Variants in ITCH observed in about 807,000 individuals in gnomAD.
The protein encoded by ITCH is itchy E3 ubiquitin protein ligase, also known as E3 ubiquitin-protein ligase Itchy homolog.
ITCH carries 28 observed loss-of-function variants against 126.8 expected under a neutral mutation model. The observed-to-expected ratio is 0.22, with a 90% CI of 0.16 to 0.30. ITCH has a LOEUF of 0.30. Ranked by LOEUF, ITCH falls within the 10% of genes least tolerant of loss-of-function variation. The pLI is 1.00. For synonymous variants in ITCH, 342 were observed against 340.0 expected (o/e 1.01, Z -0.06); for missense variants, 631 against 1,032.4 (o/e 0.61, Z 5.33).
Position 34,417,877 on chromosome 20 carries a change from T to TA in ITCH, c.475+3998_475+3999insA, listed in dbSNP as rs1289609939. On this transcript the variant is annotated intron_variant, in intron 6 of 24. Transcript: ENST00000374864. ...TGTTTAGTACCAGTCTTCCCATTTA[T>TA]GACCTCTAACAAGAAACACAGAAAA... 7.9e-5 allele frequency among the ~76,000 whole-genome samples: 12 copies of TA among 151,878 alleles called. No individual in the cohort carries two copies. In the South Asian group the frequency reaches 2.5e-3, roughly 32 times the overall value.
rs1246829043 is a variant in ITCH, at chr20:34,369,376, C to T, written c.-98-18C>T. On this transcript the variant is annotated intron_variant, in intron 1 of 24. Coordinates refer to ENST00000374864, the MANE Select transcript of ITCH (RefSeq NM_031483.7). ...AATATAGAAGTAATGTGTTAATGGA[C>T]TCTCCTTCCTTTCTCAGGTACCATG... 3.3e-5 allele frequency: 13 copies of T among 398,810 alleles called. No homozygotes were observed. In the East Asian group the frequency reaches 4.6e-4, roughly 14 times the overall value. The allele number at this position is 398,810 out of a possible 1,614,324, so 24.7% of individuals were successfully genotyped here. A position where few individuals can be genotyped will look rare whatever the true frequency, so the allele number is the denominator to read the frequency against.
At chr20:34,423,878 C>T (rs1018292969) in intron 6 of ITCH, among the ~76,000 whole-genome samples, 1 of 152,186 alleles carries the variant, frequency 6.6e-6, no homozygotes, top group Non-Finnish European at 1.5e-5. Context: ...GCTGGGATTA[C>T]AGGTGTAAGC....
chr20:34,405,871 G>C (rs1032337378), intron 3 of ITCH, among the ~76,000 whole-genome samples: 3 of 151,240 alleles, frequency 2.0e-5, no homozygotes, highest in African/African-American at 7.3e-5. Context: ...TGATCCTCCC[G>C]CCTGGGTCTC....
Position 34,494,987 on chromosome 20 carries a change from C to T in ITCH, c.2416+2390C>T, listed in dbSNP as rs1166536373. On this transcript the variant is annotated intron_variant, in intron 23 of 24. Coordinates refer to ENST00000374864, the MANE Select transcript of ITCH (RefSeq NM_031483.7). ...AATACATACACTGGGCGCGGTGGCT[C>T]ACGCCTGTAATCCCAGCACGTTGGG... Among the ~76,000 whole-genome samples the T allele has an allele frequency of 2.0e-5, 3 of 151,462 alleles. No individual in the cohort carries two copies. In the East Asian group the frequency reaches 5.8e-4, roughly 29 times the overall value.
rs1412904855 is a variant in ITCH, at chr20:34,511,043, C to T, written c.*3249C>T. ...TAAATTTTTCCTCTATTTTTATATC[C>T]TTTCCTGTTGTGGATGTAACTTACC... On this transcript the variant is annotated 3_prime_UTR_variant, in exon 25 of 25. Transcript: ENST00000374864. 1 of 152,164 alleles carries T rather than the reference C, an allele frequency of 6.6e-6. No individual in the cohort carries two copies. Among genetic ancestry groups the T allele is most frequent in the African/African-American group, 2.4e-5 (1 of 41,426 alleles). 9.4% of individuals were successfully genotyped at this position (152,164 alleles called of 1,614,324 possible).
chr20:34,443,460 T>C (rs1005478994), intron 10 of ITCH, among the ~76,000 whole-genome samples: 2 of 151,828 alleles, frequency 1.3e-5, no homozygotes, highest in African/African-American at 4.8e-5. Flanking sequence ...TGAGCTGAGA[T>C]TGTGCCACTG....
chr20:34,372,675 C>T (rs909600939), intron 2 of ITCH, among the ~76,000 whole-genome samples: 7 of 151,994 alleles, frequency 4.6e-5, no homozygotes, highest in East Asian at 1.9e-4. Flanking sequence ...CCACCGTACC[C>T]GGCCTTTTAA....
chr20:34,500,748 C>T (rs983381021), intron 23 of ITCH, among the ~76,000 whole-genome samples: 1 of 151,694 alleles, frequency 6.6e-6, no homozygotes, highest in African/African-American at 2.4e-5. Flanking sequence ...TCCGTCGTTC[C>T]TTTCTTTCTC....
At position 34,363,320 on chromosome 20, in the gene ITCH, A is replaced by G. The variant is rs2037268424; in HGVS notation, c.-128A>G. On this transcript the variant is annotated 5_prime_UTR_variant, in exon 1 of 25. Coordinates refer to ENST00000374864, the MANE Select transcript of ITCH (RefSeq NM_031483.7). ...GACCGGCTGCCATCTTAGTCTAGGG[A>G]CTGAGGAGTCGCCGCCGCCCCGAGT... 1 of 152,396 alleles carries G rather than the reference A, an allele frequency of 6.6e-6. No individual in the cohort carries two copies. The highest frequency in any genetic ancestry group is 1.5e-5 in the Non-Finnish European group (1 of 68,050). The allele number at this position is 152,396 out of a possible 1,614,324, so 9.4% of individuals were successfully genotyped here.
chr20:34,487,302 G>A (rs546294822), intron 20 of ITCH, among the ~76,000 whole-genome samples: 12 of 152,164 alleles, frequency 7.9e-5, no homozygotes, highest in African/African-American at 2.2e-4. Flanking sequence ...ATGAGCCGCC[G>A]TGCCCAGCCA....
At chr20:34,378,065 C>A (rs1037021185) in intron 2 of ITCH, among the ~76,000 whole-genome samples, 1 of 149,748 alleles carries the variant, frequency 6.7e-6, no homozygotes, top group Admixed American at 6.7e-5. Context: ...ATTCCTCATT[C>A]TTGGCCAAAT....
At chr20:34,485,883 G>C (rs1239903281) in intron 20 of ITCH, among the ~76,000 whole-genome samples, 1 of 152,160 alleles carries the variant, frequency 6.6e-6, no homozygotes, top group Non-Finnish European at 1.5e-5. Flanking sequence ...TAGAGATGTG[G>C]TCTTGCTATT....
chr20:34,494,593 G>A (rs772580055), intron 23 of ITCH, among the ~76,000 whole-genome samples: 1 of 152,042 alleles, frequency 6.6e-6, no homozygotes, highest in East Asian at 1.9e-4. Context: ...GGGGTAATTA[G>A]GATATCCATC....
intron 9 of ITCH, 197 bp from the exon 10 acceptor site, chr20:34,442,011 T>G (rs1207697975): frequency 3.3e-6 from 2 of 602,014 alleles, no homozygotes; most frequent in African/African-American, 1.8e-5. Flanking sequence ...TAGAAGAAAT[T>G]GAATTCACTG....
chr20:34,491,642 A>C (rs928818245), intron 22 of ITCH, among the ~76,000 whole-genome samples: 2 of 152,226 alleles, frequency 1.3e-5, no homozygotes, highest in Admixed American at 6.5e-5. Context: ...CTTCTATAAC[A>C]AGTAGGATTA....
intron 14 of ITCH, among the ~76,000 whole-genome samples, chr20:34,467,967 A>G (rs1987243497): frequency 6.6e-6 from 1 of 151,998 alleles, no homozygotes; most frequent in African/African-American, 2.4e-5. Context: ...ATCATACGAT[A>G]ATTTCAGGAA....
In ITCH at chr20:34,481,354, A is replaced by T. The variant is rs1988729669; in HGVS notation, c.2093+148A>T. 9 of 910,724 alleles carry T rather than the reference A, an allele frequency of 9.9e-6. No homozygotes were observed. In the East Asian group the frequency reaches 2.4e-4, roughly 24 times the overall value. The allele number at this position is 910,724 out of a possible 1,614,324, so 56.4% of individuals were successfully genotyped here. A position where few individuals can be genotyped will look rare whatever the true frequency, so the allele number is the denominator to read the frequency against. ...ATGTAGGCAGTCATTTTTCATTTCTAAAAAGTTTTTTTTTAAGTGTTTTTA... is the reference window on the plus strand; with the variant it reads ...ATGTAGGCAGTCATTTTTCATTTCTTAAAAGTTTTTTTTTAAGTGTTTTTA... On this transcript the variant is annotated intron_variant, in intron 20 of 24. Coordinates refer to ENST00000374864, the MANE Select transcript of ITCH (RefSeq NM_031483.7).
chr20:34,437,339 T>C (rs1190771761), intron 7 of ITCH, among the ~76,000 whole-genome samples: 1 of 152,192 alleles, frequency 6.6e-6, no homozygotes, highest in Non-Finnish European at 1.5e-5. Context: ...AGGGTCTCAC[T>C]CTGTCTCCCA....
chr20:34,411,909 T>G (rs893119615), intron 4 of ITCH, among the ~76,000 whole-genome samples: 1 of 152,244 alleles, frequency 6.6e-6, no homozygotes, highest in Non-Finnish European at 1.5e-5. Flanking sequence ...ATTTGATAGT[T>G]GGACTGGGCA....
Sources: gnomAD v4.1 joint callset for allele counts (sites outside exome capture counted in the v4.1 genomes callset) on GRCh38, gnomAD v4.1.1 for gene constraint, MANE v1.5 for transcripts, NCBI Gene and HGNC (gene_info 2026-07-23, HGNC 2026-07-21) for gene names.